The following SEC61A2 variants were observed in gnomAD, a reference collection of about 807,000 sequenced individuals.
SEC61A2 encodes the protein protein transport protein Sec61 subunit alpha isoform 2.
Under a neutral mutation model 59.9 loss-of-function variants are expected in SEC61A2, and 28 were observed. The observed-to-expected ratio is 0.47, with a 90% CI of 0.35 to 0.64. The LOEUF is 0.64. Ranked by LOEUF, SEC61A2 falls within the 30% of genes least tolerant of loss-of-function variation. The pLI is 0.01. For synonymous variants in SEC61A2, 202 were observed against 214.4 expected (o/e 0.94, Z 0.50); for missense variants, 340 against 585.9 (o/e 0.58, Z 4.33).
intron 11 of SEC61A2, among the ~76,000 whole-genome samples, chr10:12,163,289 T>C (rs1160492490): frequency 6.9e-6 from 1 of 145,796 alleles, no homozygotes; most frequent in South Asian, 2.2e-4. Flanking sequence ...GGACCACAGG[T>C]GTGTGCCACC....
chr10:12,141,791 G>A (rs1342730675), intron 3 of SEC61A2, among the ~76,000 whole-genome samples: 3 of 152,174 alleles, frequency 2.0e-5, no homozygotes, highest in Non-Finnish European at 4.4e-5. Flanking sequence ...GGTCTGTCCT[G>A]TGTATTTCAG....
chr10:12,146,470 A>G (rs1303885393), intron 4 of SEC61A2, among the ~76,000 whole-genome samples: 4 of 152,010 alleles, frequency 2.6e-5, no homozygotes, highest in Admixed American at 6.5e-5. Context: ...AGGAGCAGAC[A>G]CATCATGTAT....
chr10:12,140,188 G>A (rs182961853), intron 3 of SEC61A2, among the ~76,000 whole-genome samples: 10 of 152,260 alleles, frequency 6.6e-5, no homozygotes, highest in African/African-American at 2.4e-4. Flanking sequence ...TTGACTGTCT[G>A]TAATTGGCTG....
In SEC61A2 at chr10:12,164,651, C is replaced by T; in HGVS notation, c.*197C>T. 1 of 1,372,870 alleles carries T rather than the reference C, an allele frequency of 7.3e-7. No individual in the cohort carries two copies. The highest frequency in any genetic ancestry group is 9.3e-7 in the Non-Finnish European group (1 of 1,069,984). The allele number at this position is 1,372,870 out of a possible 1,614,324, so 85.0% of individuals were successfully genotyped here. A position where few individuals can be genotyped will look rare whatever the true frequency, so the allele number is the denominator to read the frequency against. ...CCCGCTGCCTTAAAACTCAAGTTTA[C>T]ATTATTCATTAAAAAAAGTACATCT... On this transcript the variant is annotated 3_prime_UTR_variant, in exon 12 of 12. Transcript: ENST00000298428. This position sits in a 1 kb window ranked among gnomAD's most constrained non-coding sequence, Gnocchi z 7.3.
In SEC61A2 at chr10:12,154,303, C is replaced by T. The variant is rs975568323; in HGVS notation, c.463-1475C>T. ...TGGAAAAACCCAAGTTTAATTTTCACAGGACATATGTGAACCACTCTGTAG... is the reference window on the plus strand; with the variant it reads ...TGGAAAAACCCAAGTTTAATTTTCATAGGACATATGTGAACCACTCTGTAG... On this transcript the variant is annotated intron_variant, in intron 6 of 11. Transcript: ENST00000298428. The surrounding 1 kb of genome is among the most constrained non-coding windows in gnomAD (Gnocchi z 5.2). Among the ~76,000 whole-genome samples, 1 of 152,172 alleles carries T rather than the reference C, an allele frequency of 6.6e-6. No individual in the cohort carries two copies. Among genetic ancestry groups the T allele is most frequent in the Non-Finnish European group, 1.5e-5 (1 of 68,038 alleles).
In SEC61A2 at chr10:12,162,512, CA is replaced by C; in HGVS notation, c.1244+224del. On this transcript the variant is annotated intron_variant, in intron 11 of 11. Coordinates refer to ENST00000298428, the MANE Select transcript of SEC61A2 (RefSeq NM_018144.4). The surrounding 1 kb of genome is among the most constrained non-coding windows in gnomAD (Gnocchi z 6.1). ...TGCTCATCCCAGTGATAAAATCTTG[CA>C]GATCAGTGCTGTTCTCAGCATTGGC... is the stretch of plus-strand genomic sequence containing the variant. 1 of 712,764 alleles carries C rather than the reference CA, an allele frequency of 1.4e-6. No homozygotes were observed. Among genetic ancestry groups the C allele is most frequent in the East Asian group, 2.7e-5 (1 of 37,210 alleles). 44.2% of individuals were successfully genotyped at this position (712,764 alleles called of 1,614,324 possible).
intron 3 of SEC61A2, among the ~76,000 whole-genome samples, chr10:12,139,635 T>A (rs913286684): frequency 4.0e-5 from 6 of 151,486 alleles, no homozygotes; most frequent in Admixed American, 2.0e-4. Context: ...ATAGAAAAAA[T>A]TAGGCGGGCG....
At position 12,162,734 on chromosome 10, in the gene SEC61A2, C is replaced by G. The variant is rs931284460; in HGVS notation, c.1244+445C>G. Among the ~76,000 whole-genome samples, 2 of 152,120 alleles carry G rather than the reference C, an allele frequency of 1.3e-5. No individual in the cohort carries two copies. The highest frequency in any genetic ancestry group is 2.9e-5 in the Non-Finnish European group (2 of 68,038). Reference sequence around the variant, plus strand: ...GTTTTTTAGTATATTCAGACTTGTACAGTCATAAGTTTAAACACATTTTCA... The same window carrying G: ...GTTTTTTAGTATATTCAGACTTGTAGAGTCATAAGTTTAAACACATTTTCA... On this transcript the variant is annotated intron_variant, in intron 11 of 11. Transcript: ENST00000298428. The surrounding 1 kb of genome is among the most constrained non-coding windows in gnomAD (Gnocchi z 6.1).
Position 12,149,496 on chromosome 10 carries a change from CGT to C in SEC61A2, c.221-94_221-93del. On this transcript the variant is annotated intron_variant, in intron 4 of 11. Transcript: ENST00000298428. The surrounding 1 kb of genome is among the most constrained non-coding windows in gnomAD (Gnocchi z 5.2). ...GAAAATTTGCTTGTTAAAATTTTCA[CGT>C]GTGTTTCAGTTGAGGTAATTAGGGA... is the stretch of plus-strand genomic sequence containing the variant. 1 of 1,184,086 alleles carries C rather than the reference CGT, an allele frequency of 8.4e-7. No individual in the cohort carries two copies. Among genetic ancestry groups the C allele is most frequent in the African/African-American group, 1.5e-5 (1 of 64,908 alleles). The allele number at this position is 1,184,086 out of a possible 1,614,324, so 73.3% of individuals were successfully genotyped here. A position where few individuals can be genotyped will look rare whatever the true frequency, so the allele number is the denominator to read the frequency against.
chr10:12,146,903 T>A (rs1165352425), intron 4 of SEC61A2, among the ~76,000 whole-genome samples: 2 of 151,532 alleles, frequency 1.3e-5, no homozygotes, highest in African/African-American at 4.9e-5. Flanking sequence ...AATTTTTTTT[T>A]ATTCTTTTGG....
At chr10:12,167,753 T>G, downstream of SEC61A2, 1 of 1,613,910 alleles carries the variant, frequency 6.2e-7, no homozygotes, top group South Asian at 1.1e-5. Context: ...CATGTTTCAG[T>G]GCTAGAGCGT....
At position 12,155,999 on chromosome 10, in the gene SEC61A2, TCGCAG is replaced by T. The variant is rs1403318396; in HGVS notation, c.616+69_616+73del. ...GTGTGCTGGGAACAAACCCATCGTG[TCGCAG>T]TACATGCCTAGAGCCGTTCTGGTTT... is the stretch of plus-strand genomic sequence containing the variant. On this transcript the variant is annotated intron_variant, in intron 7 of 11. Transcript: ENST00000298428. This position sits in a 1 kb window ranked among gnomAD's most constrained non-coding sequence, Gnocchi z 4.3. 2,273 of 1,548,834 alleles carry T rather than the reference TCGCAG, an allele frequency of 1.5e-3. 1 individual carries two copies. Among genetic ancestry groups the T allele is most frequent in the Non-Finnish European group, 1.7e-3 (1,876 of 1,123,126 alleles).
At chr10:12,135,297 C>T (rs879714999) in intron 2 of SEC61A2, among the ~76,000 whole-genome samples, 1 of 151,654 alleles carries the variant, frequency 6.6e-6, no homozygotes, top group Non-Finnish European at 1.5e-5. Flanking sequence ...CACATGTATC[C>T]TAGAACTTAA....
chr10:12,169,471 A>G, downstream of SEC61A2: 1 of 600,598 alleles, frequency 1.7e-6, no homozygotes, highest in South Asian at 2.3e-5. The surrounding 1 kb of genome is among the most constrained non-coding windows in gnomAD (Gnocchi z 4.8). Context: ...ATAGCTAATT[A>G]TGGTCCGCGG....
rs72781523 is a variant in SEC61A2, at chr10:12,146,489, T to C, written c.221-3106T>C. 4.6e-3 allele frequency among the ~76,000 whole-genome samples: 705 copies of C among 152,186 alleles called. 5 individuals carry two copies. The highest frequency in any genetic ancestry group is 6.6e-3 in the Non-Finnish European group (448 of 68,000). On this transcript the variant is annotated intron_variant, in intron 4 of 11. Transcript: ENST00000298428. ...GCAGACACATCATGTATCTGCTGTT[T>C]CCTTTTTAAATTGTTTTTTTCCTTT...
rs1834604927 is a variant in SEC61A2, at chr10:12,164,118, C to T, written c.1245-150C>T. On this transcript the variant is annotated intron_variant, in intron 11 of 11. Coordinates refer to ENST00000298428, the MANE Select transcript of SEC61A2 (RefSeq NM_018144.4). The surrounding 1 kb of genome is among the most constrained non-coding windows in gnomAD (Gnocchi z 7.3). ...GCTCCTGTTCCCATGCCGTGCCCTGCACACCCCTCCACACTGCAGCCTGTT... is the reference window on the plus strand; with the variant it reads ...GCTCCTGTTCCCATGCCGTGCCCTGTACACCCCTCCACACTGCAGCCTGTT... 2 of 794,234 alleles carry T rather than the reference C, an allele frequency of 2.5e-6. No homozygotes were observed. Among genetic ancestry groups the T allele is most frequent in the East Asian group, 5.8e-5 (2 of 34,404 alleles). 49.2% of individuals were successfully genotyped at this position (794,234 alleles called of 1,614,324 possible). A position where few individuals can be genotyped will look rare whatever the true frequency, so the allele number is the denominator to read the frequency against.
chr10:12,136,096 GT>G lies in SEC61A2; in HGVS notation c.76-7del. 6.3e-7 allele frequency: 1 copy of G among 1,592,758 alleles called. No homozygotes were observed. Among genetic ancestry groups the G allele is most frequent in the Non-Finnish European group, 8.6e-7 (1 of 1,161,062 alleles). On this transcript the variant is annotated splice_region_variant and splice_polypyrimidine_tract_variant and intron_variant, in intron 2 of 11. Coordinates refer to ENST00000298428, the MANE Select transcript of SEC61A2 (RefSeq NM_018144.4). ...TTTGATTGATGATTCTTTACATTTT[GT>G]TGTACAGATCCAGTTTAGAGAGAAG...
intron 4 of SEC61A2, among the ~76,000 whole-genome samples, chr10:12,148,658 G>C (rs1466838237): frequency 6.6e-6 from 1 of 151,874 alleles, no homozygotes; most frequent in Non-Finnish European, 1.5e-5. Flanking sequence ...TCCTGCCTCA[G>C]CCTCCCGAGT....
intron 6 of SEC61A2, among the ~76,000 whole-genome samples, chr10:12,151,296 A>C (rs909938112): frequency 2.7e-5 from 4 of 150,212 alleles, no homozygotes; most frequent in Non-Finnish European, 1.5e-5. Context: ...TTAGTTTAGG[A>C]AATTTTTTCT....
Sources: gnomAD v4.1 joint callset for allele counts (sites outside exome capture counted in the v4.1 genomes callset) on GRCh38, gnomAD v4.1.1 for gene constraint, Gnocchi (gnomAD v3.1) non-coding constraint, MANE v1.5 for transcripts, NCBI Gene and HGNC (gene_info 2026-07-23, HGNC 2026-07-21) for gene names.